The following C17orf67 variants were observed in gnomAD, a reference collection of about 807,000 sequenced individuals.
C17orf67 encodes chromosome 17 open reading frame 67.
Under a neutral mutation model 11.2 loss-of-function variants are expected in C17orf67, and 12 were observed. That is an observed-to-expected ratio of 1.07 (90% CI 0.68 to 1.73). The LOEUF (loss-of-function observed/expected upper bound fraction) is 1.73, where lower values mean the gene tolerates loss of function less well. Ranked by LOEUF, C17orf67 falls within the 40% of genes most tolerant of loss-of-function variation. The pLI is 0.00. For synonymous variants in C17orf67, 59 were observed against 46.9 expected, an observed-to-expected ratio of 1.26 and a Z score of -1.05; for missense variants, 115 against 113.5, an observed-to-expected ratio of 1.01 and a Z score of -0.06.
intron 6 of C17orf67, among the ~76,000 whole-genome samples, chr17:56,807,426 C>T (rs1905480038): frequency 6.6e-6 from 1 of 152,120 alleles, no homozygotes; most frequent in Non-Finnish European, 1.5e-5. Context: ...ACAGGGATCA[C>T]CTGGGGGTTA....
chr17:56,793,830 C>T (rs1486577287), intron 7 of C17orf67, among the ~76,000 whole-genome samples: 1 of 152,186 alleles, frequency 6.6e-6, no homozygotes, highest in African/African-American at 2.4e-5. Flanking sequence ...GGGAGCCAAG[C>T]CCAGACACAC....
intron 6 of C17orf67, 64 bp downstream of exon 6, chr17:56,814,805 T>C (rs760863553): frequency 2.0e-6 from 3 of 1,502,410 alleles, no homozygotes; most frequent in Non-Finnish European, 1.9e-6. Flanking sequence ...CAACACCTAG[T>C]TTCATAGTGA....
intron 4 of C17orf67, among the ~76,000 whole-genome samples, chr17:56,820,514 A>G (rs1322501173): frequency 6.6e-6 from 1 of 152,150 alleles, no homozygotes; most frequent in Non-Finnish European, 1.5e-5. Flanking sequence ...AGGATGTGGG[A>G]AGAAACCGAA....
At chr17:56,815,058 T>G in intron 5 of C17orf67, 89 bp from the exon 6 acceptor site, 1 of 1,127,432 alleles carries the variant, frequency 8.9e-7, no homozygotes, top group Non-Finnish European at 1.3e-6. Context: ...ATTTGCAAGT[T>G]CAATTTTGGT....
At chr17:56,809,464 CTCAG>C (rs1454952019) in intron 6 of C17orf67, among the ~76,000 whole-genome samples, 1 of 151,810 alleles carries the variant, frequency 6.6e-6, no homozygotes, top group East Asian at 1.9e-4. Context: ...TGAAAAAATA[CTCAG>C]TAAGGCCTTT....
At chr17:56,828,674 GTTGT>G (rs1291217112) in intron 2 of C17orf67, among the ~76,000 whole-genome samples, 5 of 152,142 alleles carry the variant, frequency 3.3e-5, no homozygotes, top group Admixed American at 1.3e-4. Context: ...GGTGTGCCCA[GTTGT>G]TTGGTACACC....
At chr17:56,823,161 TACG>T (rs1288357801) in intron 4 of C17orf67, among the ~76,000 whole-genome samples, 1 of 152,200 alleles carries the variant, frequency 6.6e-6, no homozygotes, top group Non-Finnish European at 1.5e-5. Context: ...GCTACTGTCA[TACG>T]ACATTACATT....
At chr17:56,819,788 G>C (rs1378757791) in intron 4 of C17orf67, among the ~76,000 whole-genome samples, 1 of 152,214 alleles carries the variant, frequency 6.6e-6, no homozygotes, top group African/African-American at 2.4e-5. Context: ...CCCCAGCGGG[G>C]TAACGAGGTG....
intron 6 of C17orf67, among the ~76,000 whole-genome samples, chr17:56,805,639 T>C (rs556142268): frequency 6.6e-6 from 1 of 152,090 alleles, no homozygotes; most frequent in Non-Finnish European, 1.5e-5. Context: ...GCTTTAAAAA[T>C]ATTCTGATTC....
At position 56,792,897 on chromosome 17, in the gene C17orf67, GTGGGGGTGA is replaced by G. The variant is rs1905140549; in HGVS notation, c.*21-554_*21-546del. 1.9e-4 allele frequency among the ~76,000 whole-genome samples: 3 copies of G among 15,584 alleles called. 1 individual carries two copies. The highest frequency in any genetic ancestry group is 9.7e-4 in the Admixed American group (2 of 2,068). The allele number at this position is 15,584 out of a possible 152,430, so 10.2% of individuals were successfully genotyped here. A position where few individuals can be genotyped will look rare whatever the true frequency, so the allele number is the denominator to read the frequency against. ...GGTGGTGGTGGTGGTGGTGATGGTG[GTGGGGGTGA>G]TGGTGGTGGTGATGATGGTGTGGGT... On this transcript the variant is annotated intron_variant, in intron 7 of 7. Transcript: ENST00000397861.
chr17:56,802,338 C>A (rs1905343389), intron 6 of C17orf67, among the ~76,000 whole-genome samples: 1 of 152,176 alleles, frequency 6.6e-6, no homozygotes, highest in East Asian at 1.9e-4. Context: ...AGCATAAATA[C>A]AATCTCAAAA....
At chr17:56,809,908 TA>T (rs1905564447) in intron 6 of C17orf67, among the ~76,000 whole-genome samples, 2 of 81,550 alleles carry the variant, frequency 2.5e-5, no homozygotes, top group African/African-American at 4.8e-5. Flanking sequence ...CACACACCCT[TA>T]CACACACCCT....
intron 2 of C17orf67, among the ~76,000 whole-genome samples, chr17:56,826,042 C>T (rs567995104): frequency 6.6e-6 from 1 of 152,266 alleles, no homozygotes; most frequent in Admixed American, 6.5e-5. Flanking sequence ...GCAACCTCCA[C>T]CTCCTGAACT....
chr17:56,815,444 T>C (rs913145840), intron 5 of C17orf67, among the ~76,000 whole-genome samples: 2 of 152,318 alleles, frequency 1.3e-5, no homozygotes, highest in Non-Finnish European at 2.9e-5. Flanking sequence ...TTCTAAAAGA[T>C]ATTATCATCA....
At chr17:56,828,981 G>A (rs776577429) in intron 2 of C17orf67, among the ~76,000 whole-genome samples, 4 of 152,128 alleles carry the variant, frequency 2.6e-5, no homozygotes, top group Non-Finnish European at 5.9e-5. Flanking sequence ...CAATGCTGAT[G>A]CAGAAATTCA....
chr17:56,827,478 C>T (rs910385715), intron 2 of C17orf67, among the ~76,000 whole-genome samples: 30 of 152,222 alleles, frequency 2.0e-4, no homozygotes, highest in Non-Finnish European at 3.4e-4. Context: ...AAATCAGAAT[C>T]TGCATTTTAA....
chr17:56,795,391 G>T (rs1567791260), intron 6 of C17orf67: 2 of 549,914 alleles, frequency 3.6e-6, no homozygotes, highest in Non-Finnish European at 6.5e-6. Context: ...ACAATACTAA[G>T]TGCTGAGCGG....
chr17:56,802,658 T>C (rs1330592677), intron 6 of C17orf67, among the ~76,000 whole-genome samples: 4 of 152,234 alleles, frequency 2.6e-5, no homozygotes, highest in South Asian at 2.1e-4. Flanking sequence ...TCTTGGCACA[T>C]AGTAAGAATG....
chr17:56,818,032 A>G (rs906477111), intron 4 of C17orf67, among the ~76,000 whole-genome samples: 2 of 150,858 alleles, frequency 1.3e-5, no homozygotes, highest in Non-Finnish European at 3.0e-5. Flanking sequence ...TTTTGTAGAA[A>G]TGGGTTTTGC....
Sources: gnomAD v4.1 joint callset for allele counts (sites outside exome capture counted in the v4.1 genomes callset) on GRCh38, gnomAD v4.1.1 for gene constraint, MANE v1.5 for transcripts, NCBI Gene and HGNC (gene_info 2026-07-23, HGNC 2026-07-21) for gene names.